EYA4: variants seen among roughly 807,000 people sequenced by gnomAD.
EYA4 encodes EYA transcriptional coactivator and phosphatase 4.
Under a neutral mutation model 87.9 loss-of-function variants are expected in EYA4, and 31 were observed. The observed-to-expected ratio is 0.35, with a 90% CI of 0.27 to 0.48. EYA4 has a LOEUF of 0.48. Among genes scored for constraint, EYA4 ranks in the 20% least tolerant of loss-of-function variants. The pLI, the probability that EYA4 is intolerant of heterozygous loss-of-function variation, is 0.99. For missense variants in EYA4, 678 were observed against 761.4 expected (o/e 0.89, Z 1.29); for synonymous variants, 263 against 270.6 (o/e 0.97, Z 0.28).
intron 1 of EYA4, among the ~76,000 whole-genome samples, chr6:133,259,415 C>T (rs1413889622): frequency 6.6e-6 from 1 of 152,144 alleles, no homozygotes; most frequent in Admixed American, 6.5e-5. Flanking sequence ...AACTTCAGCC[C>T]TTTTAAAGGT....
chr6:133,492,117 T>C (rs1330358759), intron 13 of EYA4, among the ~76,000 whole-genome samples: 2 of 152,126 alleles, frequency 1.3e-5, no homozygotes, highest in African/African-American at 4.8e-5. Flanking sequence ...ACAGGGCTAT[T>C]GTTACTCTGA....
intron 2 of EYA4, among the ~76,000 whole-genome samples, chr6:133,294,745 T>G (rs1376487089): frequency 6.6e-6 from 1 of 151,864 alleles, no homozygotes; most frequent in African/African-American, 2.4e-5. Flanking sequence ...TTTTTGTTAT[T>G]TTATTTTATT....
chr6:133,430,071 C>T (rs1316638131), intron 3 of EYA4, among the ~76,000 whole-genome samples: 1 of 152,112 alleles, frequency 6.6e-6, no homozygotes, highest in African/African-American at 2.4e-5. Flanking sequence ...TCTTTATGTC[C>T]ATGAGTACTC....
chr6:133,273,119 AGGGAAG>A, intron 1 of EYA4, among the ~76,000 whole-genome samples: 2 of 149,338 alleles, frequency 1.3e-5, no homozygotes, highest in African/African-American at 2.5e-5. Flanking sequence ...ATATATATAA[AGGGAAG>A]TTTATTAAAT....
intron 2 of EYA4, among the ~76,000 whole-genome samples, chr6:133,298,691 T>A (rs1779130453): frequency 6.6e-6 from 1 of 152,178 alleles, no homozygotes; most frequent in Non-Finnish European, 1.5e-5. Context: ...TTGTGAGAAA[T>A]AAGTGTGTGG....
chr6:133,505,607 C>T (rs1384412931), intron 13 of EYA4, among the ~76,000 whole-genome samples: 1 of 152,202 alleles, frequency 6.6e-6, no homozygotes, highest in African/African-American at 2.4e-5. Flanking sequence ...TCTGCCAGCT[C>T]TTCCTGTTTC....
intron 13 of EYA4, among the ~76,000 whole-genome samples, chr6:133,490,503 T>C (rs1481030806): frequency 6.6e-6 from 1 of 151,596 alleles, no homozygotes; most frequent in East Asian, 1.9e-4. Flanking sequence ...ATATATTTCC[T>C]GAAAATGAAA....
At chr6:133,432,517 A>T (rs1261332723) in intron 3 of EYA4, among the ~76,000 whole-genome samples, 1 of 148,810 alleles carries the variant, frequency 6.7e-6, no homozygotes, top group African/African-American at 2.5e-5. Context: ...GGAGACTATC[A>T]TGTTATAGTA....
chr6:133,424,511 C>G (rs1472871422), intron 3 of EYA4, among the ~76,000 whole-genome samples: 1 of 41,462 alleles, frequency 2.4e-5, no homozygotes, highest in Non-Finnish European at 3.8e-5. Flanking sequence ...GAGCAAACAC[C>G]CCCCCCCCAG....
rs535137910 is a variant in EYA4 at position 133,506,727 on chromosome 6, A to G, written c.1281+532A>G. Among the ~76,000 whole-genome samples the G allele has an allele frequency of 3.9e-5, 6 of 152,296 alleles. No individual in the cohort carries two copies. In the East Asian group the frequency reaches 7.7e-4, roughly 20 times the overall value. On this transcript the variant is annotated intron_variant, in intron 14 of 19. Transcript: ENST00000355286. The stretch of plus-strand genomic sequence containing the variant: ...TTCTCATTTTAAAAATTATGTTTCT[A>G]TTTTCAACCTCAAATGGCAAGACAG...
chr6:133,360,362 T>C (rs1394829672), intron 2 of EYA4: 1 of 152,194 alleles, frequency 6.6e-6, no homozygotes, highest in East Asian at 1.9e-4. Context: ...AGCTCCAGTT[T>C]CGTCATCTGT....
At chr6:133,474,203 A>G (rs1795523514) in intron 11 of EYA4, among the ~76,000 whole-genome samples, 3 of 152,058 alleles carry the variant, frequency 2.0e-5, no homozygotes, top group Admixed American at 2.0e-4. Flanking sequence ...TACAGCTACC[A>G]AGAATGAAAC....
At chr6:133,481,283 A>G (rs1013203351) in intron 11 of EYA4, among the ~76,000 whole-genome samples, 180 bp from the exon 12 acceptor site, 2 of 152,230 alleles carry the variant, frequency 1.3e-5, no homozygotes, top group African/African-American at 4.8e-5. Flanking sequence ...TACAACTAGT[A>G]GGAGTTTGTG....
intron 2 of EYA4, among the ~76,000 whole-genome samples, chr6:133,342,574 C>CATATATAT (rs56987430): frequency 0.072 from 7,220 of 99,760 alleles, 432 homozygotes; most frequent in Non-Finnish European, 0.1. Flanking sequence ...TACACACTGC[C>CATATATAT]ATATATATAT....
chr6:133,482,663 T>C (rs1279691717), intron 12 of EYA4, among the ~76,000 whole-genome samples: 1 of 152,250 alleles, frequency 6.6e-6, no homozygotes. Context: ...TAAAATCTAA[T>C]TCTTTGCAGA....
At position 133,288,022 on chromosome 6, in the gene EYA4, G is replaced by A. The variant is rs1026128226; in HGVS notation, c.33+13209G>A. Among the ~76,000 whole-genome samples the A allele has an allele frequency of 5.9e-5, 9 of 152,188 alleles. No individual in the cohort carries two copies. In the South Asian group the frequency reaches 1.2e-3, roughly 21 times the overall value. ...CACACACCTGTAATCCCAGCTACTC[G>A]GGAGGCTGAAGTAGAAGAATCGCTG... On this transcript the variant is annotated intron_variant, in intron 2 of 19. Coordinates refer to ENST00000355286, the MANE Select transcript of EYA4 (RefSeq NM_004100.5).
At chr6:133,289,697 T>C (rs1003240820) in intron 2 of EYA4, among the ~76,000 whole-genome samples, 2 of 152,276 alleles carry the variant, frequency 1.3e-5, no homozygotes, top group Middle Eastern at 3.4e-3. Flanking sequence ...AATTTGACAA[T>C]AGAGTCAGAC....
intron 2 of EYA4, among the ~76,000 whole-genome samples, chr6:133,298,246 C>G (rs1021149297): frequency 1.3e-5 from 2 of 152,150 alleles, no homozygotes; most frequent in Non-Finnish European, 2.9e-5. Context: ...TCTATCTTTG[C>G]TTTTTGGCAG....
chr6:133,509,606 G>GTGTT (rs1266510582), intron 14 of EYA4, among the ~76,000 whole-genome samples: 1 of 152,180 alleles, frequency 6.6e-6, no homozygotes, highest in East Asian at 1.9e-4. Context: ...AGAATCCTGT[G>GTGTT]TGTTTAAATA....
Sources: allele counts gnomAD v4.1 joint callset (sites outside exome capture counted in the v4.1 genomes callset), GRCh38; gene constraint gnomAD v4.1.1; transcripts MANE v1.5; gene names NCBI Gene and HGNC (gene_info 2026-07-23, HGNC 2026-07-21).